FOXP1: variants seen among roughly 807,000 people sequenced by gnomAD.
FOXP1 encodes forkhead box P1, also known as forkhead box protein P1.
In FOXP1, 15 loss-of-function variants were observed where a neutral mutation model predicts 98.2. The observed-to-expected ratio is 0.15, with a 90% CI of 0.10 to 0.24. FOXP1 has a LOEUF of 0.24. Ranked by LOEUF, FOXP1 falls within the 10% of genes least tolerant of loss-of-function variation. The probability of loss-of-function intolerance (pLI) is 1.00; values close to 1 mark genes in which losing one functional copy is unlikely to be tolerated. For synonymous variants in FOXP1, 371 were observed against 314.5 expected (o/e 1.18, Z -1.90); for missense variants, 633 against 848.5 (o/e 0.75, Z 3.15).
chr3:71,304,434 G>A (rs1315128738), intron 4 of FOXP1, among the ~76,000 whole-genome samples: 2 of 152,140 alleles, frequency 1.3e-5, no homozygotes, highest in Admixed American at 6.5e-5. Flanking sequence ...TGCAATAAGA[G>A]TTAATAATCA....
intron 2 of FOXP1, chr3:71,571,330 C>T (rs188068832): frequency 3.3e-5 from 5 of 152,200 alleles, no homozygotes; most frequent in African/African-American, 7.2e-5. Context: ...TGGGTGATAC[C>T]GACTTTAATA....
At chr3:71,172,467 G>C (rs952400794) in intron 6 of FOXP1, among the ~76,000 whole-genome samples, 1 of 152,178 alleles carries the variant, frequency 6.6e-6, no homozygotes, top group Admixed American at 6.5e-5. Context: ...CATTTATGTA[G>C]TGTTTCATTG....
chr3:71,189,863 GC>G (rs1194008664), intron 6 of FOXP1, among the ~76,000 whole-genome samples: 1 of 152,204 alleles, frequency 6.6e-6, no homozygotes, highest in African/African-American at 2.4e-5. Context: ...GGTGATCCCG[GC>G]CCCCATTCCC....
chr3:71,549,860 TA>T (rs55826932), intron 2 of FOXP1, among the ~76,000 whole-genome samples: 21,505 of 59,636 alleles, frequency 0.36, 2,850 homozygotes, highest in Non-Finnish European at 0.44. Context: ...ATGCTGGGAG[TA>T]AAAAAAAAAA....
intron 6 of FOXP1, among the ~76,000 whole-genome samples, chr3:71,157,824 T>C (rs2321503): frequency 0.14 from 21,296 of 151,826 alleles, 1,946 homozygotes; most frequent in African/African-American, 0.26. Flanking sequence ...TAGTGGCTCA[T>C]GCCTATAATC....
intron 3 of FOXP1, among the ~76,000 whole-genome samples, chr3:71,409,760 T>G (rs1311024906): frequency 6.6e-6 from 1 of 152,180 alleles, no homozygotes; most frequent in Non-Finnish European, 1.5e-5. Flanking sequence ...TGTGCAGTAA[T>G]CCCAGCACTT....
chr3:71,049,066 C>T (rs187503123), intron 9 of FOXP1, among the ~76,000 whole-genome samples: 3 of 152,204 alleles, frequency 2.0e-5, no homozygotes, highest in East Asian at 1.9e-4. Flanking sequence ...ACACAGGATA[C>T]GGGTCCATTT....
chr3:71,495,380 G>A (rs925175578), intron 2 of FOXP1, among the ~76,000 whole-genome samples: 1 of 152,146 alleles, frequency 6.6e-6, no homozygotes, highest in Non-Finnish European at 1.5e-5. Context: ...TTCCCCACTA[G>A]AATATAAGCT....
chr3:71,071,507 A>G (rs1231940832), intron 7 of FOXP1, among the ~76,000 whole-genome samples: 1 of 152,214 alleles, frequency 6.6e-6, no homozygotes, highest in East Asian at 1.9e-4. Context: ...TGGGCAAGTC[A>G]CGTCACCTCT....
Position 71,041,458 on chromosome 3 carries a change from T to C in FOXP1, c.739A>G (p.Asn247Asp). The C allele has an allele frequency of 1.2e-6, 2 of 1,613,912 alleles. No homozygotes were observed. Among genetic ancestry groups the C allele is most frequent in the Non-Finnish European group, 1.7e-6 (2 of 1,179,830 alleles). The change falls in exon 11 of 21, where the codon AAC (asparagine) becomes GAC (aspartate). Residue 247 changes from asparagine to aspartate, a missense_variant. Physicochemically the swap from Asn to Asp is conservative, Grantham distance 23. Coordinates refer to ENST00000649528, the MANE Select transcript of FOXP1 (RefSeq NM_001349338.3). The stretch of plus-strand genomic sequence containing the variant: ...GTCAGATCCAAACTGCTGTGATTGT[T>C]GCCTGTGGTTTCTTCTGCAGTATGA... ...SAHTAEETTG[N>D]NHSSLDLTTT...
rs59655430 is a variant in FOXP1 at position 71,314,530 on chromosome 3, A to AATATATAT, written c.-72-14658_-72-14651dup. ...TGACAGAGTAAGACTCCGTCTAAAA[A>AATATATAT]ATATATATATATATATATATATCTG... On this transcript the variant is annotated intron_variant, in intron 4 of 20. Transcript: ENST00000649528. 2.3e-3 allele frequency among the ~76,000 whole-genome samples: 325 copies of AATATATAT among 143,360 alleles called. 3 individuals are homozygous for AATATATAT. The highest frequency in any genetic ancestry group is 7.7e-3 in the African/African-American group (301 of 39,306). The allele number at this position is 143,360 out of a possible 152,430, so 94.0% of individuals were successfully genotyped here.
intron 4 of FOXP1, among the ~76,000 whole-genome samples, chr3:71,340,249 C>T (rs1240537233): frequency 6.6e-6 from 1 of 152,224 alleles, no homozygotes; most frequent in African/African-American, 2.4e-5. Flanking sequence ...CAATCAGTAG[C>T]ATCAGTGTCT....
intron 6 of FOXP1, among the ~76,000 whole-genome samples, chr3:71,183,813 A>C (rs2062477660): frequency 6.6e-6 from 1 of 152,128 alleles, no homozygotes; most frequent in South Asian, 2.1e-4. Context: ...CCCCAGATCT[A>C]CAGAATAAAG....
chr3:70,997,132 G>A lies in FOXP1; in HGVS notation c.1062+3840C>T, dbSNP rs2041485976. Among the ~76,000 whole-genome samples the A allele has an allele frequency of 3.3e-5, 5 of 152,294 alleles. No individual in the cohort carries two copies. In the South Asian group the frequency reaches 1.0e-3, roughly 32 times the overall value. Reference sequence around the variant, plus strand: ...TGTGCAGGTAATCCCCTCTAAAGGAGGTGATGCACCAGTCAGTGGCTGAGA... The same window carrying A: ...TGTGCAGGTAATCCCCTCTAAAGGAAGTGATGCACCAGTCAGTGGCTGAGA... On this transcript the variant is annotated intron_variant, in intron 13 of 20. Transcript: ENST00000649528.
At chr3:71,566,557 C>G (rs991331209) in intron 2 of FOXP1, among the ~76,000 whole-genome samples, 11 of 152,164 alleles carry the variant, frequency 7.2e-5, no homozygotes, top group Non-Finnish European at 1.6e-4. Flanking sequence ...ATCCAACGGG[C>G]AATTTGGAAA....
intron 6 of FOXP1, among the ~76,000 whole-genome samples, chr3:71,133,251 G>C (rs2059659186): frequency 6.6e-6 from 1 of 152,100 alleles, no homozygotes; most frequent in Admixed American, 6.5e-5. Flanking sequence ...CACGTATAAA[G>C]ACCTTCATTA....
chr3:71,001,132 T>A, intron 12 of FOXP1, 73 bp from the exon 13 acceptor site: 2 of 1,243,356 alleles, frequency 1.6e-6, no homozygotes, highest in South Asian at 1.2e-5. Context: ...CCAGGATGTT[T>A]AAGCATAAAC....
At chr3:71,386,301 C>T (rs973432391) in intron 3 of FOXP1, among the ~76,000 whole-genome samples, 2 of 152,226 alleles carry the variant, frequency 1.3e-5, no homozygotes, top group Non-Finnish European at 2.9e-5. Context: ...GTTGTGCCCA[C>T]TGGCAATAGA....
At chr3:71,489,337 A>T (rs12107755) in intron 3 of FOXP1, among the ~76,000 whole-genome samples, 3,242 of 152,338 alleles carry the variant, frequency 0.021, 114 homozygotes, top group African/African-American at 0.073. Flanking sequence ...CAAATAACAC[A>T]TAACAATGAA....
Sources: allele counts gnomAD v4.1 joint callset (sites outside exome capture counted in the v4.1 genomes callset), GRCh38; gene constraint gnomAD v4.1.1; transcripts MANE v1.5; gene names NCBI Gene and HGNC (gene_info 2026-07-23, HGNC 2026-07-21).